DENND3: variants seen among roughly 807,000 people sequenced by gnomAD.
DENND3 encodes the protein DENN domain-containing protein 3.
DENND3 carries 88 observed loss-of-function variants against 135.1 expected under a neutral mutation model. That is an observed-to-expected ratio of 0.65 (90% confidence interval 0.55 to 0.78). DENND3 has a LOEUF of 0.78. Among genes scored for constraint, DENND3 ranks in the 30% least tolerant of loss-of-function variants. The pLI, the probability that DENND3 is intolerant of heterozygous loss-of-function variation, is 0.00. For synonymous variants in DENND3, 693 were observed against 712.3 expected (o/e 0.97, Z 0.43); for missense variants, 1,392 against 1,688.4 (o/e 0.82, Z 3.08).
intron 18 of DENND3, among the ~76,000 whole-genome samples, chr8:141,186,047 A>C (rs1442957203): frequency 6.6e-6 from 1 of 151,066 alleles, no homozygotes; most frequent in East Asian, 2.0e-4. Flanking sequence ...GGCTCAAGGG[A>C]TCCACCTCGG....
chr8:141,193,862 A>C, intron 22 of DENND3, 171 bp from the exon 23 acceptor site: 1 of 677,154 alleles, frequency 1.5e-6, no homozygotes, highest in Middle Eastern at 4.1e-4. Flanking sequence ...TAAGCCCGAG[A>C]AGGGTCCTGT....
rs1379610078 is a variant in DENND3 at position 141,168,407 on chromosome 8, G to A, written c.2157G>A (p.Lys719=). The A allele has an allele frequency of 2.5e-6, 4 of 1,613,806 alleles. No individual in the cohort carries two copies. Among genetic ancestry groups the A allele is most frequent in the Non-Finnish European group, 3.4e-6 (4 of 1,180,042 alleles). ...CCTCGAAGCTGGACGACCACGTGAAGAAGTTCAAGCTGCCCAAGAAGCACA... is the reference window on the plus strand; with the variant it reads ...CCTCGAAGCTGGACGACCACGTGAAAAAGTTCAAGCTGCCCAAGAAGCACA... ...HEASKLDDHV[K]KFKLPKKHMQ... Residue 719 remains lysine (K), a synonymous_variant, in exon 13 of 23, where the codon AAG becomes AAA. Coordinates refer to ENST00000519811, the MANE Select transcript of DENND3 (RefSeq NM_001352890.3). The surrounding 1 kb of genome is among the most constrained non-coding windows in gnomAD (Gnocchi z 6.2).
At position 141,182,455 on chromosome 8, in the gene DENND3, C is replaced by A; in HGVS notation, c.2944+1601C>A. On this transcript the variant is annotated intron_variant, in intron 17 of 22. Coordinates refer to ENST00000519811, the MANE Select transcript of DENND3 (RefSeq NM_001352890.3). This position sits in a 1 kb window ranked among gnomAD's most constrained non-coding sequence, Gnocchi z 5.9. ...CTTCGCCAGAGATGACTCCACAGAC[C>A]AAGATACTTTGACCGTGGCATTTGA... 1.0e-6 allele frequency: 1 copy of A among 985,434 alleles called. No homozygotes were observed. Among genetic ancestry groups the A allele is most frequent in the Non-Finnish European group, 1.2e-6 (1 of 829,940 alleles). 61.0% of individuals were successfully genotyped at this position (985,434 alleles called of 1,614,324 possible).
Position 141,182,620 on chromosome 8 carries a change from G to C in DENND3, c.2944+1766G>C. On this transcript the variant is annotated intron_variant, in intron 17 of 22. Transcript: ENST00000519811. This position sits in a 1 kb window ranked among gnomAD's most constrained non-coding sequence, Gnocchi z 5.9. ...CCTGCAGAGAGCGTGCAAAGCAGCC[G>C]TGGGGAATGGGGAAACCGCCTTTTC... The C allele has an allele frequency of 2.1e-6, 1 of 483,764 alleles. No homozygotes were observed. Among genetic ancestry groups the C allele is most frequent in the East Asian group, 1.6e-4 (1 of 6,444 alleles). The allele number at this position is 483,764 out of a possible 1,614,324, so 30.0% of individuals were successfully genotyped here. A position where few individuals can be genotyped will look rare whatever the true frequency, so the allele number is the denominator to read the frequency against.
chr8:141,192,646 A>C lies in DENND3; in HGVS notation c.3619A>C (p.Ile1207Leu). 6.2e-7 allele frequency: 1 copy of C among 1,606,588 alleles called. No individual in the cohort carries two copies. Among genetic ancestry groups the C allele is most frequent in the Non-Finnish European group, 8.5e-7 (1 of 1,175,218 alleles). Residue 1207 changes from isoleucine to leucine, a missense_variant, in exon 22 of 23, where the codon ATC becomes CTC. Transcript: ENST00000519811. ...LEDCSEINCM[I>L]RVKKQVWVGS... The stretch of plus-strand genomic sequence containing the variant: ...GGACTGCTCTGAGATCAACTGCATG[A>C]TCCGGGTGAAGAAGCAGGTAGGGTG...
intron 5 of DENND3, among the ~76,000 whole-genome samples, chr8:141,149,982 C>G (rs1449324612): frequency 6.6e-6 from 1 of 152,184 alleles, no homozygotes; most frequent in African/African-American, 2.4e-5. Context: ...TTTCTCCCCC[C>G]GGCTCCCTGC....
rs1367042405 is a variant in DENND3, at chr8:141,186,262, TG to T, written c.3084+986del. On this transcript the variant is annotated intron_variant, in intron 18 of 22. Coordinates refer to ENST00000519811, the MANE Select transcript of DENND3 (RefSeq NM_001352890.3). ...ACCCTGGTGTTTCCTGGTGGCACAG[TG>T]GTTACTGGGTCTCTTTTGGAGCAAA... Among the ~76,000 whole-genome samples the T allele has an allele frequency of 2.0e-5, 3 of 152,260 alleles. No individual in the cohort carries two copies. In the East Asian group the frequency reaches 5.8e-4, roughly 29 times the overall value.
chr8:141,157,522 T>C (rs1159993492), intron 8 of DENND3: 1 of 985,758 alleles, frequency 1.0e-6, no homozygotes, highest in Admixed American at 6.2e-5. Context: ...CTTAGGCTTT[T>C]TGCAAACAGC....
In DENND3 at chr8:141,194,524, T is replaced by C; in HGVS notation, c.*291T>C. The C allele has an allele frequency of 2.5e-6, 1 of 392,442 alleles. No individual in the cohort carries two copies. Among genetic ancestry groups the C allele is most frequent in the Non-Finnish European group, 4.7e-6 (1 of 212,112 alleles). 24.3% of individuals were successfully genotyped at this position (392,442 alleles called of 1,614,324 possible). A position where few individuals can be genotyped will look rare whatever the true frequency, so the allele number is the denominator to read the frequency against. ...TCTGCTGGGAGGTTACTTTGTTGCC[T>C]AGAAAGTTCTGGAATCCACAACCAG... On this transcript the variant is annotated 3_prime_UTR_variant, in exon 23 of 23. Transcript: ENST00000519811.
intron 13 of DENND3, chr8:141,173,516 G>C (rs1821923857): frequency 6.6e-6 from 1 of 152,236 alleles, no homozygotes; most frequent in African/African-American, 2.4e-5. Context: ...TCCTGAGCCT[G>C]TGACAGCGCC....
In DENND3 at chr8:141,194,275, G is replaced by A; in HGVS notation, c.*42G>A. 1 of 1,592,552 alleles carries A rather than the reference G, an allele frequency of 6.3e-7. No individual in the cohort carries two copies. The highest frequency in any genetic ancestry group is 8.5e-7 in the Non-Finnish European group (1 of 1,170,946). Reference sequence around the variant, plus strand: ...CAAGTGGAACTGTGCCCTATGTGTGGGGACTGGCTGCCCCCTAGAGCCTGC... The same window carrying A: ...CAAGTGGAACTGTGCCCTATGTGTGAGGACTGGCTGCCCCCTAGAGCCTGC... On this transcript the variant is annotated 3_prime_UTR_variant, in exon 23 of 23. Transcript: ENST00000519811.
chr8:141,143,915 C>T (rs1817749984), intron 4 of DENND3: 1 of 448,522 alleles, frequency 2.2e-6, no homozygotes, highest in Non-Finnish European at 4.0e-6. Context: ...CAGAGCATGA[C>T]CAGGACTTCC....
At chr8:141,184,053 C>A (rs539156866) in intron 17 of DENND3, among the ~76,000 whole-genome samples, 93 of 152,356 alleles carry the variant, frequency 6.1e-4, no homozygotes, top group African/African-American at 2.1e-3. Flanking sequence ...GCTTCTTGGG[C>A]TGTCTCAGAG....
At chr8:141,161,511 T>G (rs990091908) in intron 9 of DENND3, among the ~76,000 whole-genome samples, 6 of 152,254 alleles carry the variant, frequency 3.9e-5, no homozygotes, top group Non-Finnish European at 7.3e-5. Context: ...ATTTCTGGCC[T>G]AAATAGGCAG....
intron 18 of DENND3, among the ~76,000 whole-genome samples, chr8:141,187,317 C>T (rs1824023583): frequency 6.6e-6 from 1 of 151,258 alleles, no homozygotes; most frequent in Non-Finnish European, 1.5e-5. Flanking sequence ...TGTAGTGGCA[C>T]AATCGCTGCT....
chr8:141,168,437 G>C lies in DENND3; in HGVS notation c.2187G>C (p.Gln729His). ...TCAAGCTGCCCAAGAAGCACATGCA[G>C]CTGGGCGACTTCATGAAGCGGGTCC... is the stretch of plus-strand genomic sequence containing the variant. ...KKFKLPKKHM[Q>H]LGDFMKRVQE... Residue 729 changes from glutamine (Q) to histidine (H), a missense_variant, in exon 13 of 23, where the codon CAG (glutamine) becomes CAC (histidine). Coordinates refer to ENST00000519811, the MANE Select transcript of DENND3 (RefSeq NM_001352890.3). The surrounding 1 kb of genome is among the most constrained non-coding windows in gnomAD (Gnocchi z 6.2). The C allele has an allele frequency of 6.2e-7, 1 of 1,613,864 alleles. No homozygotes were observed. The highest frequency in any genetic ancestry group is 2.2e-5 in the East Asian group (1 of 44,886).
At chr8:141,133,976 C>T (rs1200471922) in intron 1 of DENND3, among the ~76,000 whole-genome samples, 4 of 151,952 alleles carry the variant, frequency 2.6e-5, no homozygotes, top group Non-Finnish European at 5.9e-5. Flanking sequence ...GAGGATGGTG[C>T]GAAGGACCCA....
chr8:141,151,105 T>G, intron 6 of DENND3, 152 bp downstream of exon 6: 5 of 1,197,826 alleles, frequency 4.2e-6, no homozygotes, highest in Non-Finnish European at 5.4e-6. Context: ...AAAGCCAATG[T>G]TCCCTACAGT....
In DENND3 at chr8:141,182,242, G is replaced by T. The variant is rs1823238161; in HGVS notation, c.2944+1388G>T. On this transcript the variant is annotated intron_variant, in intron 17 of 22. Transcript: ENST00000519811. This position sits in a 1 kb window ranked among gnomAD's most constrained non-coding sequence, Gnocchi z 5.9. ...CAGAGCACCTGGCCATTCACACACGGAGCTCATGCTTCAGGTGGGCAGAGA... is the reference window on the plus strand; with the variant it reads ...CAGAGCACCTGGCCATTCACACACGTAGCTCATGCTTCAGGTGGGCAGAGA... The T allele has an allele frequency of 2.1e-6, 2 of 942,398 alleles. No homozygotes were observed. Among genetic ancestry groups the T allele is most frequent in the African/African-American group, 3.6e-5 (2 of 56,268 alleles). 58.4% of individuals were successfully genotyped at this position (942,398 alleles called of 1,614,324 possible).
Sources: allele counts gnomAD v4.1 joint callset (sites outside exome capture counted in the v4.1 genomes callset), GRCh38; gene constraint gnomAD v4.1.1; non-coding constraint Gnocchi (gnomAD v3.1); transcripts MANE v1.5; gene names NCBI Gene and HGNC (gene_info 2026-07-23, HGNC 2026-07-21).